ZDHHC15: variants seen among roughly 807,000 people sequenced by gnomAD.
ZDHHC15 encodes the protein zDHHC palmitoyltransferase 15.
In ZDHHC15, 19 loss-of-function variants were observed where a neutral mutation model predicts 31.7. The observed-to-expected ratio is 0.60, with a 90% CI of 0.42 to 0.88. ZDHHC15 has a LOEUF of 0.88. ZDHHC15 is among the 40% of genes least tolerant of loss of function. The pLI is 0.00. For synonymous variants in ZDHHC15, 103 were observed against 90.0 expected (o/e 1.14, Z -0.82); for missense variants, 209 against 251.2 (o/e 0.83, Z 1.14).
chrX:75,505,913 G>T (rs1219643387), intron 1 of ZDHHC15, 66 bp from the exon 2 acceptor site: 10 of 952,104 alleles, frequency 1.1e-5, no homozygotes, highest in South Asian at 8.1e-5. Context: ...GAGAGAGAGA[G>T]AAATTAGTTA....
chrX:75,485,743 T>C, intron 2 of ZDHHC15, among the ~76,000 whole-genome samples: 1 of 112,022 alleles, frequency 8.9e-6, no homozygotes, highest in Middle Eastern at 4.2e-3. Flanking sequence ...TAAAACGTGA[T>C]GTATACAATA....
At chrX:75,439,264 C>A (rs1178215216) in intron 4 of ZDHHC15, among the ~76,000 whole-genome samples, 1 of 111,819 alleles carries the variant, frequency 8.9e-6, no homozygotes, top group Admixed American at 9.5e-5. Flanking sequence ...ACACTTAGAT[C>A]TCTCTTCTTC....
At chrX:75,468,041 ATTTT>A (rs142205044) in intron 3 of ZDHHC15, among the ~76,000 whole-genome samples, 22 of 83,818 alleles carry the variant, frequency 2.6e-4, no homozygotes, top group Admixed American at 5.6e-4. Context: ...AACTGGCATA[ATTTT>A]TTTTTTTTTT....
chrX:75,478,838 T>C (rs1019358683), intron 3 of ZDHHC15, 53 bp downstream of exon 3: 8 of 955,164 alleles, frequency 8.4e-6, no homozygotes, highest in Admixed American at 2.6e-5. Flanking sequence ...TGCTTTATTG[T>C]CACTTCTACT....
At chrX:75,388,448 A>G (rs2083203390) in intron 10 of ZDHHC15, among the ~76,000 whole-genome samples, 1 of 112,065 alleles carries the variant, frequency 8.9e-6, no homozygotes, top group African/African-American at 3.2e-5. Flanking sequence ...ATGAAGTTAA[A>G]TTGTAGAATT....
chrX:75,522,429 T>C (rs1402709484), intron 1 of ZDHHC15, among the ~76,000 whole-genome samples: 1 of 111,212 alleles, frequency 9.0e-6, no homozygotes, highest in African/African-American at 3.3e-5. Flanking sequence ...AAATCCCTAG[T>C]AGGAAATCCT....
intron 10 of ZDHHC15, among the ~76,000 whole-genome samples, chrX:75,411,886 T>G (rs776428440): frequency 9.0e-6 from 1 of 110,613 alleles, no homozygotes; most frequent in East Asian, 2.8e-4. Flanking sequence ...TGATAAGGGG[T>G]TCATATCCAA....
At position 75,406,547 on chromosome X, in the gene ZDHHC15, A is replaced by G. The variant is rs191699521; in HGVS notation, c.967+10540T>C. ...TGCCACAGAAATACAAAGAATCATT[A>G]GAGATTATAATGAAAAACTATACAC... On this transcript the variant is annotated intron_variant, in intron 10 of 11. Coordinates refer to ENST00000373367, the MANE Select transcript of ZDHHC15 (RefSeq NM_144969.3). Among the ~76,000 whole-genome samples, 650 of 110,893 alleles carry G rather than the reference A, an allele frequency of 5.9e-3. 3 individuals are homozygous for G. The highest frequency in any genetic ancestry group is 0.042 in the Middle Eastern group (9 of 216).
At chrX:75,522,621 C>T (rs1416839458) in intron 1 of ZDHHC15, among the ~76,000 whole-genome samples, 1 of 110,586 alleles carries the variant, frequency 9.0e-6, no homozygotes, top group Non-Finnish European at 1.9e-5. Context: ...AAAGGGAGCC[C>T]TCGTGGGAAG....
At chrX:75,414,070 A>C (rs1280829065) in intron 10 of ZDHHC15, among the ~76,000 whole-genome samples, 1 of 112,088 alleles carries the variant, frequency 8.9e-6, no homozygotes, top group African/African-American at 3.2e-5. Context: ...TATAATGAGC[A>C]AAAGTGGTAA....
chrX:75,486,968 G>A (rs1442665703), intron 2 of ZDHHC15, among the ~76,000 whole-genome samples: 1 of 111,017 alleles, frequency 9.0e-6, no homozygotes, highest in African/African-American at 3.3e-5. Context: ...CCTATCACCT[G>A]AAAAACGTGA....
intron 11 of ZDHHC15, among the ~76,000 whole-genome samples, chrX:75,373,495 G>A (rs368897502): frequency 7.2e-5 from 8 of 110,559 alleles, no homozygotes; most frequent in East Asian, 5.6e-4. Flanking sequence ...TAAGCTTTCC[G>A]GAAAATGATT....
chrX:75,514,274 A>G (rs1373751106), intron 1 of ZDHHC15, among the ~76,000 whole-genome samples: 1 of 112,779 alleles, frequency 8.9e-6, no homozygotes, highest in Non-Finnish European at 1.9e-5. Flanking sequence ...TTAAAGGAAA[A>G]AATGCATAAA....
At position 75,505,843 on chromosome X, in the gene ZDHHC15, A is replaced by C. The variant is rs1191422199; in HGVS notation, c.141T>G (p.Thr47=). 1 of 1,207,092 alleles carries C rather than the reference A, an allele frequency of 8.3e-7. No homozygotes were observed. The highest frequency in any genetic ancestry group is 2.2e-5 in the Admixed American group (1 of 45,759). ...YAYVFELCLV[T]VLSPAEKVIY... ...TACCTTTTTCTGCTGGGCTCAAAAC[A>C]GTCACTGTGAAGAGACAGGAGAAAG... The change falls in exon 2 of 12, where the codon ACT becomes ACG. Residue 47 remains threonine, a synonymous_variant. Coordinates refer to ENST00000373367, the MANE Select transcript of ZDHHC15 (RefSeq NM_144969.3).
At chrX:75,503,465 C>G (rs1257958256) in intron 2 of ZDHHC15, among the ~76,000 whole-genome samples, 1 of 110,913 alleles carries the variant, frequency 9.0e-6, no homozygotes, top group Admixed American at 9.7e-5. Context: ...ATACTATTAA[C>G]TATTATTTTG....
chrX:75,396,493 G>A (rs889534671), intron 10 of ZDHHC15, among the ~76,000 whole-genome samples: 1 of 111,928 alleles, frequency 8.9e-6, no homozygotes, highest in Non-Finnish European at 1.9e-5. Flanking sequence ...AATAACAAAT[G>A]CTGGTGAGGA....
chrX:75,505,009 T>C (rs1305863023), intron 2 of ZDHHC15, among the ~76,000 whole-genome samples: 2 of 111,392 alleles, frequency 1.8e-5, no homozygotes, highest in African/African-American at 6.5e-5. Flanking sequence ...TACTAGGAAA[T>C]AGCAGAGCCA....
intron 10 of ZDHHC15, among the ~76,000 whole-genome samples, chrX:75,383,895 C>A (rs1437509529): frequency 1.0e-5 from 1 of 99,449 alleles, no homozygotes; most frequent in Non-Finnish European, 2.0e-5. Flanking sequence ...TCCCCCACCA[C>A]ACCCAGCTAA....
chrX:75,428,400 T>G, intron 7 of ZDHHC15, among the ~76,000 whole-genome samples: 1 of 112,043 alleles, frequency 8.9e-6, no homozygotes, highest in African/African-American at 3.2e-5. Context: ...TGAAATAACT[T>G]TTTTTGAGAT....
Sources: allele counts gnomAD v4.1 joint callset (sites outside exome capture counted in the v4.1 genomes callset), GRCh38; gene constraint gnomAD v4.1.1; transcripts MANE v1.5; gene names NCBI Gene and HGNC (gene_info 2026-07-23, HGNC 2026-07-21).